Variants in ALG3 observed in about 807,000 individuals in gnomAD.
The protein encoded by ALG3 is dol-P-Man:Man(5)GlcNAc(2)-PP-Dol alpha-1,3-mannosyltransferase.
A neutral mutation model predicts 50.5 loss-of-function variants in ALG3; 39 were observed. The observed-to-expected ratio is 0.77, with a 90% CI of 0.60 to 1.01. ALG3 has a LOEUF of 1.01. Among genes scored for constraint, ALG3 ranks in the 50% least tolerant of loss-of-function variants. The pLI, the probability that ALG3 is intolerant of heterozygous loss-of-function variation, is 0.00. For synonymous variants in ALG3, 252 were observed against 237.2 expected, an observed-to-expected ratio of 1.06 and a Z score of -0.58; for missense variants, 520 against 554.8, an observed-to-expected ratio of 0.94 and a Z score of 0.63.
intron 1 of ALG3, among the ~76,000 whole-genome samples, chr3:184,247,885 G>A (rs1719250820): frequency 6.8e-6 from 1 of 147,572 alleles, no homozygotes; most frequent in African/African-American, 2.5e-5. Flanking sequence ...TTGCTCTGTC[G>A]CCCAGGCTGG....
intron 5 of ALG3, chr3:184,244,344 G>C (rs770642760): frequency 1.0e-4 from 57 of 545,268 alleles, no homozygotes; most frequent in Non-Finnish European, 1.7e-4. Context: ...AGGAGTTTGA[G>C]ACCAGCCTGG....
In ALG3 at chr3:184,245,503, G is replaced by A. The variant is rs745702853; in HGVS notation, c.409C>T (p.Leu137=). The A allele has an allele frequency of 5.0e-6, 8 of 1,614,034 alleles. No homozygotes were observed. The South Asian group carries it at 7.7e-5, about 16-fold the overall frequency. The change falls in exon 3 of 9, where the codon CTG becomes TTG. Residue 137 remains leucine, a synonymous_variant. Transcript: ENST00000397676. ...IFAVLYLATL[L]LVFLIYHQTC... is the part of the protein sequence containing the mutation. ...TGGTGATAGATCAAGAAGACAAGCA[G>A]CAAGGTAGCCAGGTAGAGCACAGCA... is the stretch of plus-strand genomic sequence containing the variant.
At position 184,242,509 on chromosome 3, in the gene ALG3, G is replaced by A. The variant is rs757011568; in HGVS notation, c.*5C>T. 1.9e-6 allele frequency: 3 copies of A among 1,612,466 alleles called. No homozygotes were observed. Among genetic ancestry groups the A allele is most frequent in the Non-Finnish European group, 2.5e-6 (3 of 1,179,384 alleles). On this transcript the variant is annotated 3_prime_UTR_variant, in exon 9 of 9. Coordinates refer to ENST00000397676, the MANE Select transcript of ALG3 (RefSeq NM_005787.6). The stretch of plus-strand genomic sequence containing the variant: ...GACTCAGGTCCTGAGGGAAAGGGGT[G>A]GACTTCAGTGGGCTTTCTTGCTGTG...
intron 8 of ALG3, 55 bp from the exon 9 acceptor site, chr3:184,242,731 GC>G (rs1718881535): frequency 6.3e-7 from 1 of 1,584,436 alleles, no homozygotes; most frequent in Middle Eastern, 1.7e-4. Flanking sequence ...CTGCAGACCT[GC>G]AGCTCCTCAT....
intron 7 of ALG3, 65 bp downstream of exon 7, chr3:184,243,489 C>A (rs1718946593): frequency 2.6e-6 from 4 of 1,524,760 alleles, no homozygotes; most frequent in Non-Finnish European, 3.6e-6. Flanking sequence ...TCAAGGGATA[C>A]CTGACCAGGA....
At chr3:184,248,662 T>A in intron 1 of ALG3, 83 bp downstream of exon 1, 1 of 1,282,678 alleles carries the variant, frequency 7.8e-7, no homozygotes, top group Non-Finnish European at 1.1e-6. Flanking sequence ...AGAGTCTGGT[T>A]TGGAGTTCCA....
chr3:184,244,461 C>T, intron 5 of ALG3, 140 bp downstream of exon 5: 1 of 1,039,320 alleles, frequency 9.6e-7, no homozygotes. Context: ...AAACTACAGC[C>T]TAGCGATAGT....
chr3:184,247,650 A>C (rs1577107327), intron 1 of ALG3, among the ~76,000 whole-genome samples: 1 of 151,620 alleles, frequency 6.6e-6, no homozygotes, highest in Non-Finnish European at 1.5e-5. Context: ...CCTTCCCCTC[A>C]CCTTTTTCTT....
At chr3:184,248,609 TA>T in intron 1 of ALG3, 135 bp downstream of exon 1, 2 of 794,900 alleles carry the variant, frequency 2.5e-6, no homozygotes, top group Middle Eastern at 3.8e-4. Flanking sequence ...GGCGCTCAGG[TA>T]AGGGATATGG....
In ALG3 at chr3:184,245,622, G is replaced by C. The variant is rs1192057549; in HGVS notation, c.297-7C>G. The C allele has an allele frequency of 1.9e-6, 3 of 1,612,498 alleles. No homozygotes were observed. Among genetic ancestry groups the C allele is most frequent in the Non-Finnish European group, 2.5e-6 (3 of 1,179,174 alleles). ...CACGAAACCAGCTGGGTACCTGGAA[G>C]ATGAGAGAAAATGTGAGCCTGGGTC... On this transcript the variant is annotated splice_polypyrimidine_tract_variant and splice_region_variant and intron_variant, in intron 2 of 8. Transcript: ENST00000397676.
chr3:184,242,604 C>A lies in ALG3; in HGVS notation c.1227G>T (p.Leu409=). The part of the protein sequence containing the change: ...YPSTSCSSAA[L]HICHAVILLQ... ...GCAGGATGACGGCATGGCATATGTG[C>A]AGGGCAGCAGAGCTGCAGGATGTGG... is the stretch of plus-strand genomic sequence containing the variant. The change falls in exon 9 of 9, where the codon CTG becomes CTT. Residue 409 remains leucine (L), a synonymous_variant. Coordinates refer to ENST00000397676, the MANE Select transcript of ALG3 (RefSeq NM_005787.6). 2 of 1,591,820 alleles carry A rather than the reference C, an allele frequency of 1.3e-6. No individual in the cohort carries two copies. The highest frequency in any genetic ancestry group is 2.3e-5 in the South Asian group (2 of 88,192).
intron 5 of ALG3, chr3:184,244,236 T>C: frequency 1.8e-6 from 1 of 561,388 alleles, no homozygotes; most frequent in Non-Finnish European, 3.1e-6. Flanking sequence ...AAGTCATAAC[T>C]GGGCAGAGCA....
Position 184,242,701 on chromosome 3 carries a change from G to A in ALG3, c.1155-25C>T, listed in dbSNP as rs1472195487. 4 of 1,565,228 alleles carry A rather than the reference G, an allele frequency of 2.6e-6. No homozygotes were observed. In the East Asian group the frequency reaches 6.8e-5, roughly 26 times the overall value. ...CCTGGAGATGAGAAACAGGTTCCACGTTTCATCCAGTTGCAAGGCCTGCAG... is the reference window on the plus strand; with the variant it reads ...CCTGGAGATGAGAAACAGGTTCCACATTTCATCCAGTTGCAAGGCCTGCAG... On this transcript the variant is annotated intron_variant, in intron 8 of 8. Transcript: ENST00000397676.
At chr3:184,247,970 C>T (rs7621287) in intron 1 of ALG3, among the ~76,000 whole-genome samples, 10,212 of 151,432 alleles carry the variant, frequency 0.067, 593 homozygotes, top group African/African-American at 0.15. Flanking sequence ...CTCAGCCTCC[C>T]GAGTAGCTGG....
chr3:184,244,877 G>C, intron 4 of ALG3, 156 bp from the exon 5 acceptor site: 8 of 1,114,180 alleles, frequency 7.2e-6, no homozygotes, highest in Non-Finnish European at 1.0e-5. Flanking sequence ...CTGTTGGAGG[G>C]AAGAGCCTGG....
At position 184,248,949 on chromosome 3, in the gene ALG3, T is replaced by G; in HGVS notation, c.-9A>C. The G allele has an allele frequency of 6.4e-7, 1 of 1,569,820 alleles. No homozygotes were observed. Among genetic ancestry groups the G allele is most frequent in the Non-Finnish European group, 8.6e-7 (1 of 1,160,446 alleles). On this transcript the variant is annotated 5_prime_UTR_variant, in exon 1 of 9. Coordinates refer to ENST00000397676, the MANE Select transcript of ALG3 (RefSeq NM_005787.6). ...CGCAGCCCAGCCGCCATCTTAACGG[T>G]GCGCCGCTTGTGTGGGCCCACCACC... is the stretch of plus-strand genomic sequence containing the variant.
chr3:184,245,453 G>A lies in ALG3; in HGVS notation c.444+15C>T. On this transcript the variant is annotated intron_variant, in intron 3 of 8. Transcript: ENST00000397676. Reference sequence around the variant, plus strand: ...CCCAGGCTGGGGCCCTCTAGCCCTGGTAGCATGGACTCACCTTGCAGGTCT... The same window carrying A: ...CCCAGGCTGGGGCCCTCTAGCCCTGATAGCATGGACTCACCTTGCAGGTCT... 1 of 1,613,706 alleles carries A rather than the reference G, an allele frequency of 6.2e-7. No homozygotes were observed. The highest frequency in any genetic ancestry group is 8.5e-7 in the Non-Finnish European group (1 of 1,179,640).
At chr3:184,248,578 G>C (rs547857455) in intron 1 of ALG3, among the ~76,000 whole-genome samples, 167 bp downstream of exon 1, 1 of 152,354 alleles carries the variant, frequency 6.6e-6, no homozygotes, top group Admixed American at 6.5e-5. Flanking sequence ...ATTAAGATCC[G>C]GTTTTCTGTA....
At position 184,244,610 on chromosome 3, in the gene ALG3, A is replaced by C. The variant is rs367758353; in HGVS notation, c.717T>G (p.Ala239=). ...RGALPKLGIC[A]GLQVVLGLPF... ...GGTGAGATGGGGGTACCTGAAGGCC[A>C]GCACAGATTCCCAGCTTGGGGAGGG... The change falls in exon 5 of 9, where the codon GCT becomes GCG. Residue 239 remains alanine, a synonymous_variant. Coordinates refer to ENST00000397676, the MANE Select transcript of ALG3 (RefSeq NM_005787.6). 62 of 1,610,014 alleles carry C rather than the reference A, an allele frequency of 3.9e-5. No individual in the cohort carries two copies. In the African/African-American group the frequency reaches 7.1e-4, roughly 18 times the overall value.
Sources: gnomAD v4.1 joint callset for allele counts (sites outside exome capture counted in the v4.1 genomes callset) on GRCh38, gnomAD v4.1.1 for gene constraint, MANE v1.5 for transcripts, NCBI Gene and HGNC (gene_info 2026-07-23, HGNC 2026-07-21) for gene names.